ZNF609: variants seen among roughly 807,000 people sequenced by gnomAD.
ZNF609 encodes zinc finger protein 609.
Under a neutral mutation model 109.5 loss-of-function variants are expected in ZNF609, and 11 were observed. The ratio of observed to expected loss-of-function variants is 0.10; its 90% confidence interval spans 0.06 to 0.17. The LOEUF (loss-of-function observed/expected upper bound fraction) is 0.17. ZNF609 is among the 10% of genes least tolerant of loss of function. ZNF609 has a pLI of 1.00. For missense variants in ZNF609, 1,559 were observed against 1,772.4 expected (o/e 0.88, Z 2.16); for synonymous variants, 646 against 662.0 (o/e 0.98, Z 0.37).
chr15:64,616,766 G>C (rs921229833), intron 2 of ZNF609, among the ~76,000 whole-genome samples: 2 of 134,086 alleles, frequency 1.5e-5, no homozygotes, highest in Non-Finnish European at 3.1e-5. Flanking sequence ...TGATCCACCC[G>C]CCTCAGCCTC....
chr15:64,674,463 G>A lies in ZNF609; in HGVS notation c.1609G>A (p.Glu537Lys). Residue 537 changes from glutamate (E) to lysine (K), a missense_variant, in exon 5 of 10, where the codon GAG (glutamate) becomes AAG (lysine). Around this residue, in one of 4 missense-constraint regions of ZNF609, gnomAD observed 1,204 missense variants for 1,314.1 expected, o/e 0.92. Coordinates refer to ENST00000326648, the MANE Select transcript of ZNF609 (RefSeq NM_015042.2). The stretch of plus-strand genomic sequence containing the variant: ...AGCGGATGGGGACAGTGAGTACGGA[G>A]AGGAACCTATTCTCCATGCAGATCT... ...PEADGDSEYG[E>K]EPILHADLGS... 1.2e-6 allele frequency: 2 copies of A among 1,614,208 alleles called. No individual in the cohort carries two copies. The highest frequency in any genetic ancestry group is 1.3e-5 in the African/African-American group (1 of 75,046).
intron 2 of ZNF609, among the ~76,000 whole-genome samples, chr15:64,555,886 C>CAAAA (rs963732035): frequency 1.3e-4 from 5 of 38,936 alleles, no homozygotes; most frequent in East Asian, 1.3e-3. Flanking sequence ...GACTCTGTCT[C>CAAAA]AAAAAAAAAA....
intron 3 of ZNF609, among the ~76,000 whole-genome samples, chr15:64,660,238 T>C (rs1011794684): frequency 5.9e-5 from 9 of 152,326 alleles, no homozygotes; most frequent in Non-Finnish European, 1.2e-4. Flanking sequence ...ATGCCTAATA[T>C]TAATAAAAGT....
intron 2 of ZNF609, among the ~76,000 whole-genome samples, chr15:64,572,957 C>T (rs1344638454): frequency 2.0e-5 from 3 of 152,118 alleles, no homozygotes; most frequent in Non-Finnish European, 2.9e-5. Context: ...TGGCTCCACG[C>T]GGGACACGTA....
rs757763861 is a variant in ZNF609 at position 64,502,756 on chromosome 15, A to G, written c.747+2590A>G. On this transcript the variant is annotated intron_variant, in intron 2 of 9. Coordinates refer to ENST00000326648, the MANE Select transcript of ZNF609 (RefSeq NM_015042.2). Reference sequence around the variant, plus strand: ...GAGTAGCAGTGTTGACTACTAGCCAATGAGGAAGATTTGAATATTGAAATT... The same window carrying G: ...GAGTAGCAGTGTTGACTACTAGCCAGTGAGGAAGATTTGAATATTGAAATT... The G allele has an allele frequency of 4.6e-5, 7 of 152,340 alleles. No individual in the cohort carries two copies. The East Asian group carries it at 7.7e-4, about 17-fold the overall frequency. 9.4% of individuals were successfully genotyped at this position (152,340 alleles called of 1,614,324 possible).
At chr15:64,606,307 C>T (rs955138209) in intron 2 of ZNF609, among the ~76,000 whole-genome samples, 2 of 151,460 alleles carry the variant, frequency 1.3e-5, no homozygotes, top group African/African-American at 2.4e-5. Context: ...CGCGGTGGCT[C>T]ATGCCTGTAA....
intron 2 of ZNF609, among the ~76,000 whole-genome samples, chr15:64,573,539 T>G (rs942990275): frequency 3.3e-5 from 5 of 151,382 alleles, no homozygotes; most frequent in African/African-American, 1.2e-4. Flanking sequence ...TTTTTTTTTT[T>G]GTATTTTTAG....
chr15:64,675,818 G>C lies in ZNF609; in HGVS notation c.2964G>C (p.Gln988His). 6.2e-7 allele frequency: 1 copy of C among 1,614,200 alleles called. No individual in the cohort carries two copies. The highest frequency in any genetic ancestry group is 8.5e-7 in the Non-Finnish European group (1 of 1,180,046). Residue 988 changes from glutamine to histidine, a missense_variant, in exon 5 of 10, where the codon CAG (glutamine) becomes CAC (histidine). Around this residue, in one of 4 missense-constraint regions of ZNF609, gnomAD observed 1,204 missense variants for 1,314.1 expected, o/e 0.92. Coordinates refer to ENST00000326648, the MANE Select transcript of ZNF609 (RefSeq NM_015042.2). The part of the protein sequence containing the change: ...AYVPPYGYSD[Q>H]SYHTHLLSTN... Reference sequence around the variant, plus strand: ...TACCCCCCTATGGCTACAGCGACCAGAGTTACCACACCCACCTTCTGAGCA... The same window carrying C: ...TACCCCCCTATGGCTACAGCGACCACAGTTACCACACCCACCTTCTGAGCA...
chr15:64,587,305 A>T (rs1337502615), intron 2 of ZNF609, among the ~76,000 whole-genome samples: 2 of 152,158 alleles, frequency 1.3e-5, no homozygotes, highest in East Asian at 3.8e-4. Context: ...ATCTTCCTTT[A>T]TATAAGGAAT....
chr15:64,499,490 G>C lies in ZNF609; in HGVS notation c.71G>C (p.Gly24Ala), dbSNP rs1893528418. The change falls in exon 2 of 10, where the codon GGG becomes GCG. Residue 24 changes from glycine (G) to alanine (A), a missense_variant. Physicochemically the swap from Gly to Ala is moderately conservative, Grantham distance 60. This residue lies in a region of ZNF609 where 26 missense variants were observed against 58.4 expected (regional missense o/e 0.44). Transcript: ENST00000326648. ...AACCCGGTTGAGACATACGACAGTG[G>C]GGATGAATGGGACATTGGAGTAGGG... Reference protein sequence around the residue: ...DANPVETYDSGDEWDIGVGNL... With the variant: ...DANPVETYDSADEWDIGVGNL... 1 of 1,613,978 alleles carries C rather than the reference G, an allele frequency of 6.2e-7. No individual in the cohort carries two copies. The highest frequency in any genetic ancestry group is 8.5e-7 in the Non-Finnish European group (1 of 1,180,038).
chr15:64,641,712 C>T (rs1896261982), intron 3 of ZNF609, among the ~76,000 whole-genome samples: 1 of 152,088 alleles, frequency 6.6e-6, no homozygotes, highest in South Asian at 2.1e-4. Flanking sequence ...CCAGATCTCA[C>T]CCAATTAAAT....
chr15:64,548,145 C>T (rs1439762192), intron 2 of ZNF609, among the ~76,000 whole-genome samples: 1 of 152,160 alleles, frequency 6.6e-6, no homozygotes. Flanking sequence ...GATCCCTCAA[C>T]CACAAAAGAT....
chr15:64,578,085 A>G (rs1034855660), intron 2 of ZNF609, among the ~76,000 whole-genome samples: 3 of 151,438 alleles, frequency 2.0e-5, no homozygotes, highest in African/African-American at 4.9e-5. Flanking sequence ...CTGCATAGGG[A>G]AAAAAACATA....
Position 64,675,248 on chromosome 15 carries a change from C to T in ZNF609, c.2394C>T (p.Phe798=). The change falls in exon 5 of 10, where the codon TTC becomes TTT. Residue 798 remains phenylalanine, a synonymous_variant. Coordinates refer to ENST00000326648, the MANE Select transcript of ZNF609 (RefSeq NM_015042.2). ...IKAEADKIYS[F]TDNAPSPSIG... ...CTGAAGCCGACAAGATCTACAGTTT[C>T]ACGGACAATGCCCCCAGCCCTTCCA... is the stretch of plus-strand genomic sequence containing the variant. 5.6e-6 allele frequency: 9 copies of T among 1,614,052 alleles called. No homozygotes were observed. Among genetic ancestry groups the T allele is most frequent in the Non-Finnish European group, 7.6e-6 (9 of 1,180,038 alleles).
intron 2 of ZNF609, among the ~76,000 whole-genome samples, chr15:64,509,481 A>G (rs1462572290): frequency 6.6e-6 from 1 of 152,198 alleles, no homozygotes; most frequent in East Asian, 1.9e-4. Context: ...TTAAGGAGAA[A>G]GGATATCCTT....
At chr15:64,514,207 C>T (rs1373592899) in intron 2 of ZNF609, among the ~76,000 whole-genome samples, 3 of 151,606 alleles carry the variant, frequency 2.0e-5, no homozygotes, top group Non-Finnish European at 2.9e-5. Context: ...TTGTTCCTTT[C>T]TTTCTTTTTT....
intron 4 of ZNF609, among the ~76,000 whole-genome samples, chr15:64,671,604 C>T (rs1229938118): frequency 6.6e-6 from 1 of 152,136 alleles, no homozygotes; most frequent in Non-Finnish European, 1.5e-5. Flanking sequence ...ATGGATATTT[C>T]AATCAATGGC....
intron 2 of ZNF609, among the ~76,000 whole-genome samples, chr15:64,588,415 G>A (rs1167715320): frequency 1.2e-3 from 4 of 3,366 alleles, no homozygotes; most frequent in South Asian, 0.016. Context: ...GTAACAGAGC[G>A]ACACTCTGTC....
intron 2 of ZNF609, among the ~76,000 whole-genome samples, chr15:64,574,905 G>A (rs1677382642): frequency 6.6e-6 from 1 of 152,118 alleles, no homozygotes; most frequent in South Asian, 2.1e-4. Flanking sequence ...ACCTGTGGCT[G>A]TAGTTAAATG....
Sources: gnomAD v4.1 joint callset for allele counts (sites outside exome capture counted in the v4.1 genomes callset) on GRCh38, gnomAD v4.1.1 for gene constraint, gnomAD v4.1.1 regional missense constraint, MANE v1.5 for transcripts, NCBI Gene and HGNC (gene_info 2026-07-23, HGNC 2026-07-21) for gene names.